ADARB2: variants seen among roughly 807,000 people sequenced by gnomAD.
ADARB2 encodes inactive double-stranded RNA-specific editase B2.
In ADARB2, 25 loss-of-function variants were observed where a neutral mutation model predicts 62.2. That is an observed-to-expected ratio of 0.40 (90% CI 0.29 to 0.56). ADARB2 has a LOEUF of 0.56. Ranked by LOEUF, ADARB2 falls within the 20% of genes least tolerant of loss-of-function variation. The pLI, the probability that ADARB2 is intolerant of heterozygous loss-of-function variation, is 0.43. For synonymous variants in ADARB2, 572 were observed against 500.8 expected (o/e 1.14, Z -1.90); for missense variants, 1,071 against 1,077.4 (o/e 0.99, Z 0.08).
At chr10:1,212,754 C>T (rs373716526) in intron 7 of ADARB2, among the ~76,000 whole-genome samples, 77 of 150,198 alleles carry the variant, frequency 5.1e-4, no homozygotes, top group East Asian at 2.7e-3. Context: ...GTGGCAGGCA[C>T]CCTGCAGCCA....
At chr10:1,602,109 C>T (rs978975178) in intron 1 of ADARB2, among the ~76,000 whole-genome samples, 4 of 152,140 alleles carry the variant, frequency 2.6e-5, no homozygotes, top group Admixed American at 1.3e-4. Flanking sequence ...GCGGGGAAGT[C>T]GCTACCCTAC....
At chr10:1,588,489 G>C (rs961493708) in intron 1 of ADARB2, among the ~76,000 whole-genome samples, 2 of 152,214 alleles carry the variant, frequency 1.3e-5, no homozygotes, top group Admixed American at 6.5e-5. Context: ...GACAGAGCTA[G>C]GTAGGCCAGA....
At position 1,639,615 on chromosome 10, in the gene ADARB2, C is replaced by T. The variant is rs146086042; in HGVS notation, c.100+97436G>A. ...ATCCCAGCACTTTGGGAGGCCAAGG[C>T]GAGAAGATCATGAGGTCAGGAGTTC... On this transcript the variant is annotated intron_variant, in intron 1 of 9. Transcript: ENST00000381312. Among the ~76,000 whole-genome samples the T allele has an allele frequency of 1.5e-3, 231 of 152,230 alleles. 2 individuals are homozygous for T. The highest frequency in any genetic ancestry group is 5.3e-3 in the African/African-American group (222 of 41,520).
chr10:1,260,389 A>T (rs371593603), intron 4 of ADARB2, among the ~76,000 whole-genome samples: 10 of 152,118 alleles, frequency 6.6e-5, no homozygotes, highest in Non-Finnish European at 8.8e-5. Context: ...ACATGATTGT[A>T]TATCTAGAAA....
Position 1,184,972 on chromosome 10 carries a change from G to A in ADARB2, c.1932C>T (p.Gly644=), listed in dbSNP as rs547394035. 15 of 1,613,836 alleles carry A rather than the reference G, an allele frequency of 9.3e-6. No individual in the cohort carries two copies. Among genetic ancestry groups the A allele is most frequent in the Admixed American group, 3.3e-5 (2 of 60,026 alleles). ...CGTTGATAATCTCCAGGTCCGCGCT[G>A]CCCACGACCCAGTTCATGCTGAAGG... ...SPPFSMNWVV[G]SADLEIINAT... Residue 644 remains glycine (G), a synonymous_variant, in exon 9 of 10, where the codon GGC becomes GGT. Coordinates refer to ENST00000381312, the MANE Select transcript of ADARB2 (RefSeq NM_018702.4).
intron 1 of ADARB2, among the ~76,000 whole-genome samples, chr10:1,401,239 C>G (rs1349266202): frequency 1.3e-5 from 2 of 152,142 alleles, no homozygotes; most frequent in African/African-American, 4.8e-5. Flanking sequence ...GGGGACGGCC[C>G]GGTGTGTGTG....
At position 1,384,098 on chromosome 10, in the gene ADARB2, A is replaced by AAATCAGATG. The variant is rs1208905366; in HGVS notation, c.101-4947_101-4939dup. Among the ~76,000 whole-genome samples the AAATCAGATG allele has an allele frequency of 2.0e-5, 3 of 152,242 alleles. No homozygotes were observed. In the East Asian group the frequency reaches 5.8e-4, roughly 29 times the overall value. ...AGGGTCTGGTTAATATTTTGTAGAAAAATCAGATGGACTCTCCTCTCTGCA... is the reference window on the plus strand; with the variant it reads ...AGGGTCTGGTTAATATTTTGTAGAAAAATCAGATGAATCAGATGGACTCTCCTCTCTGCA... On this transcript the variant is annotated intron_variant, in intron 1 of 9. Coordinates refer to ENST00000381312, the MANE Select transcript of ADARB2 (RefSeq NM_018702.4).
Position 1,255,898 on chromosome 10 carries a change from C to T in ADARB2, c.1193-13599G>A, listed in dbSNP as rs1409049040. Reference sequence around the variant, plus strand: ...TCCAGGCAGGCAAGCACATTGACAACCACATGTCAGCCCTGGGAGCTAACG... The same window carrying T: ...TCCAGGCAGGCAAGCACATTGACAATCACATGTCAGCCCTGGGAGCTAACG... On this transcript the variant is annotated intron_variant, in intron 4 of 9. Transcript: ENST00000381312. The surrounding 1 kb of genome is among the most constrained non-coding windows in gnomAD (Gnocchi z 4.7). Among the ~76,000 whole-genome samples, 3 of 151,524 alleles carry T rather than the reference C, an allele frequency of 2.0e-5. No individual in the cohort carries two copies. Among genetic ancestry groups the T allele is most frequent in the East Asian group, 1.9e-4 (1 of 5,198 alleles).
intron 3 of ADARB2, among the ~76,000 whole-genome samples, chr10:1,306,812 A>T (rs1831634455): frequency 6.6e-6 from 1 of 151,582 alleles, no homozygotes; most frequent in African/African-American, 2.4e-5. Context: ...GACAAACCTG[A>T]CAAAAACAGG....
intron 1 of ADARB2, among the ~76,000 whole-genome samples, chr10:1,583,714 G>A (rs1479171873): frequency 6.6e-6 from 1 of 152,188 alleles, no homozygotes. Context: ...AAGTGATGTT[G>A]TGGATATCAC....
chr10:1,712,763 G>C lies in ADARB2; in HGVS notation c.100+24288C>G, dbSNP rs556774171. ...AGCTGGGACTACAGGCTCCCACCAC[G>C]ACGCCCAACTAATTTTTTTGTATTT... On this transcript the variant is annotated intron_variant, in intron 1 of 9. Transcript: ENST00000381312. 4.3e-5 allele frequency among the ~76,000 whole-genome samples: 4 copies of C among 92,866 alleles called. No individual in the cohort carries two copies. In the South Asian group the frequency reaches 1.6e-3, roughly 37 times the overall value. 60.9% of individuals were successfully genotyped at this position (92,866 alleles called of 152,430 possible).
intron 1 of ADARB2, among the ~76,000 whole-genome samples, chr10:1,513,448 G>T (rs933223861): frequency 6.6e-6 from 1 of 152,160 alleles, no homozygotes; most frequent in East Asian, 1.9e-4. Context: ...TAGCGATGAC[G>T]GCCGTCCTCC....
intron 1 of ADARB2, 132 bp downstream of exon 1, chr10:1,736,919 G>A: frequency 3.4e-6 from 3 of 871,160 alleles, no homozygotes; most frequent in Non-Finnish European, 3.6e-6. Flanking sequence ...CGCCCTGCAC[G>A]GAGCAGCCAT....
Position 1,181,745 on chromosome 10 carries a change from G to A in ADARB2, c.*1448C>T, listed in dbSNP as rs10903398. On this transcript the variant is annotated 3_prime_UTR_variant, in exon 10 of 10. Coordinates refer to ENST00000381312, the MANE Select transcript of ADARB2 (RefSeq NM_018702.4). The stretch of plus-strand genomic sequence containing the variant: ...GAGGTGGACACCACCATGCTTTGCC[G>A]TCTGCCATCACTGTCATGAATTTCA... 50,861 of 152,080 alleles carry A rather than the reference G, an allele frequency of 0.33. 8,557 individuals are homozygous for A. Among genetic ancestry groups the A allele is most frequent in the Admixed American group, 0.4 (6,111 of 15,286 alleles). 9.4% of individuals were successfully genotyped at this position (152,080 alleles called of 1,614,324 possible). A position where few individuals can be genotyped will look rare whatever the true frequency, so the allele number is the denominator to read the frequency against.
At chr10:1,230,018 G>A (rs1180980566) in intron 6 of ADARB2, among the ~76,000 whole-genome samples, 1 of 152,172 alleles carries the variant, frequency 6.6e-6, no homozygotes, top group Non-Finnish European at 1.5e-5. Flanking sequence ...CAAGCACTGT[G>A]CTGGTGAGAG....
At chr10:1,548,387 G>T (rs747490768) in intron 1 of ADARB2, among the ~76,000 whole-genome samples, 7 of 152,234 alleles carry the variant, frequency 4.6e-5, no homozygotes, top group Non-Finnish European at 8.8e-5. Context: ...CCTACCCAGT[G>T]AGTACCAGTG....
intron 1 of ADARB2, among the ~76,000 whole-genome samples, chr10:1,384,373 C>T (rs1334839353): frequency 6.6e-6 from 1 of 152,184 alleles, no homozygotes. Flanking sequence ...TTATAGCCTC[C>T]TCCAAAGTGA....
intron 3 of ADARB2, among the ~76,000 whole-genome samples, chr10:1,325,370 C>A (rs1489059444): frequency 6.6e-6 from 1 of 152,188 alleles, no homozygotes; most frequent in Non-Finnish European, 1.5e-5. Context: ...ATTCTATGCT[C>A]TCACCTCCTA....
intron 1 of ADARB2, among the ~76,000 whole-genome samples, chr10:1,617,200 G>T (rs1160329126): frequency 6.6e-5 from 8 of 121,454 alleles, no homozygotes; most frequent in Non-Finnish European, 6.9e-5. Context: ...AGATGTTTGT[G>T]TGCCCGTCCA....
Sources: allele counts gnomAD v4.1 joint callset (sites outside exome capture counted in the v4.1 genomes callset), GRCh38; gene constraint gnomAD v4.1.1; non-coding constraint Gnocchi (gnomAD v3.1); transcripts MANE v1.5; gene names NCBI Gene and HGNC (gene_info 2026-07-23, HGNC 2026-07-21).